Variants in FRMD4A observed in about 807,000 individuals in gnomAD.
FRMD4A encodes the protein FERM domain containing 4A.
Under a neutral mutation model 129.1 loss-of-function variants are expected in FRMD4A, and 29 were observed. The ratio of observed to expected loss-of-function variants is 0.22; its 90% CI spans 0.17 to 0.31. The LOEUF (loss-of-function observed/expected upper bound fraction) is 0.31, where lower values mean the gene tolerates loss of function less well. Among genes scored for constraint, FRMD4A ranks in the 10% least tolerant of loss-of-function variants. FRMD4A has a pLI of 1.00. For synonymous variants in FRMD4A, 634 were observed against 571.6 expected (o/e 1.11, Z -1.56); for missense variants, 1,272 against 1,375.8 (o/e 0.92, Z 1.19).
At chr10:13,985,965 C>G (rs1224082077) in intron 2 of FRMD4A, among the ~76,000 whole-genome samples, 1 of 152,220 alleles carries the variant, frequency 6.6e-6, no homozygotes, top group African/African-American at 2.4e-5. Context: ...AGCCCCTCCC[C>G]AGCCCCACTG....
chr10:13,975,379 G>A (rs1478733874), intron 2 of FRMD4A, among the ~76,000 whole-genome samples: 2 of 151,616 alleles, frequency 1.3e-5, no homozygotes, highest in African/African-American at 4.8e-5. Context: ...TGTGTCTACT[G>A]CATATGTCTT....
intron 2 of FRMD4A, among the ~76,000 whole-genome samples, chr10:14,314,457 C>T (rs538620455): frequency 2.0e-5 from 3 of 152,210 alleles, no homozygotes; most frequent in African/African-American, 7.2e-5. Context: ...GCTAACCTGC[C>T]CTATTTTGGC....
intron 2 of FRMD4A, among the ~76,000 whole-genome samples, chr10:14,001,161 G>T (rs1008731): frequency 0.28 from 43,024 of 152,020 alleles, 7,306 homozygotes; most frequent in East Asian, 0.73. Context: ...GTTGGCTGCA[G>T]GTTGGAATCA....
At chr10:13,662,322 T>C (rs1000999429) in intron 19 of FRMD4A, among the ~76,000 whole-genome samples, 2 of 152,208 alleles carry the variant, frequency 1.3e-5, no homozygotes, top group Middle Eastern at 3.2e-3. Context: ...TCCGCCAGAC[T>C]TTCCTCACAT....
At chr10:13,831,167 G>A (rs2130939551) in intron 3 of FRMD4A, among the ~76,000 whole-genome samples, 1 of 152,318 alleles carries the variant, frequency 6.6e-6, no homozygotes, top group South Asian at 2.1e-4. Flanking sequence ...AGAGAGGCAG[G>A]ACGCTCACTT....
intron 2 of FRMD4A, among the ~76,000 whole-genome samples, chr10:14,111,737 G>A (rs1485525192): frequency 6.6e-6 from 1 of 151,968 alleles, no homozygotes; most frequent in Admixed American, 6.6e-5. Flanking sequence ...CTTATTGAGA[G>A]ATTAGGTAAA....
intron 2 of FRMD4A, among the ~76,000 whole-genome samples, chr10:14,111,932 G>C (rs999122708): frequency 1.5e-5 from 2 of 134,806 alleles, no homozygotes; most frequent in Non-Finnish European, 3.1e-5. Context: ...TGGAAGGAAG[G>C]AAGGAAGGAA....
At chr10:14,160,640 T>C (rs1840836089) in intron 2 of FRMD4A, among the ~76,000 whole-genome samples, 1 of 152,058 alleles carries the variant, frequency 6.6e-6, no homozygotes, top group Non-Finnish European at 1.5e-5. Flanking sequence ...AGGATCTGAG[T>C]AATTATTTCT....
intron 2 of FRMD4A, among the ~76,000 whole-genome samples, chr10:13,867,907 T>C (rs1436977981): frequency 7.0e-6 from 1 of 141,902 alleles, no homozygotes; most frequent in East Asian, 2.0e-4. Flanking sequence ...AAATAATATA[T>C]ATAATATAAT....
At chr10:13,974,412 G>T (rs752725320) in intron 2 of FRMD4A, among the ~76,000 whole-genome samples, 32 of 152,244 alleles carry the variant, frequency 2.1e-4, no homozygotes, top group African/African-American at 6.0e-4. Flanking sequence ...AGCAGCAGAC[G>T]CCTGTCTCTG....
intron 9 of FRMD4A, among the ~76,000 whole-genome samples, chr10:13,745,502 T>C (rs1466353491): frequency 6.6e-6 from 1 of 152,176 alleles, no homozygotes. Context: ...GTATGGGATG[T>C]TCTGCCAAGC....
chr10:14,244,538 T>G (rs764005063), intron 2 of FRMD4A, among the ~76,000 whole-genome samples: 1 of 152,190 alleles, frequency 6.6e-6, no homozygotes, highest in African/African-American at 2.4e-5. Context: ...TAATTTGATG[T>G]GATATTTAAA....
At chr10:14,328,529 C>T (rs77602925) in intron 2 of FRMD4A, among the ~76,000 whole-genome samples, 3,867 of 152,042 alleles carry the variant, frequency 0.025, 102 homozygotes, top group African/African-American at 0.061. Flanking sequence ...GTCTAACTCT[C>T]CCTAAAGATA....
intron 5 of FRMD4A, among the ~76,000 whole-genome samples, chr10:13,794,552 G>A (rs2093072606): frequency 6.6e-6 from 1 of 152,134 alleles, no homozygotes. Flanking sequence ...CTTTGGACCT[G>A]CTGAGTTTGA....
chr10:13,807,844 G>T (rs1295375280), intron 4 of FRMD4A, among the ~76,000 whole-genome samples: 1 of 151,140 alleles, frequency 6.6e-6, no homozygotes, highest in East Asian at 1.9e-4. Context: ...TGTTGCTCAG[G>T]GTGGAGTGCA....
chr10:14,320,894 C>T (rs1765838441), intron 2 of FRMD4A, among the ~76,000 whole-genome samples: 1 of 152,214 alleles, frequency 6.6e-6, no homozygotes, highest in South Asian at 2.1e-4. Context: ...GACTTTTCAC[C>T]CTTGCCTGCT....
intron 2 of FRMD4A, among the ~76,000 whole-genome samples, chr10:14,012,438 C>T (rs1565183264): frequency 6.6e-6 from 1 of 152,074 alleles, no homozygotes; most frequent in African/African-American, 2.4e-5. Flanking sequence ...TGACATGCCA[C>T]AGCAAGATGT....
chr10:13,679,326 G>A (rs2084269812), intron 15 of FRMD4A, among the ~76,000 whole-genome samples: 2 of 146,926 alleles, frequency 1.4e-5, no homozygotes, highest in Non-Finnish European at 3.0e-5. Flanking sequence ...CAGTTGGGTG[G>A]CTGAGGCAGG....
At chr10:14,130,439 T>G (rs1839181367) in intron 2 of FRMD4A, among the ~76,000 whole-genome samples, 1 of 152,078 alleles carries the variant, frequency 6.6e-6, no homozygotes, top group African/African-American at 2.4e-5. Context: ...TAAAAATTTT[T>G]TATGTAGAGA....
Sources: gnomAD v4.1 joint callset for allele counts (sites outside exome capture counted in the v4.1 genomes callset) on GRCh38, gnomAD v4.1.1 for gene constraint, MANE v1.5 for transcripts, NCBI Gene and HGNC (gene_info 2026-07-23, HGNC 2026-07-21) for gene names.